Variants in ZFPM2 observed in about 807,000 individuals in gnomAD.
ZFPM2 encodes the protein zinc finger protein, FOG family member 2.
In ZFPM2, 20 loss-of-function variants were observed where a neutral mutation model predicts 98.6. The ratio of observed to expected loss-of-function variants is 0.20; its 90% CI spans 0.14 to 0.29. ZFPM2 has a LOEUF of 0.29. ZFPM2 is among the 10% of genes least tolerant of loss of function. The pLI, the probability that ZFPM2 is intolerant of heterozygous loss-of-function variation, is 1.00. For missense variants in ZFPM2, 1,310 were observed against 1,388.6 expected (o/e 0.94, Z 0.90); for synonymous variants, 518 against 502.7 (o/e 1.03, Z -0.41).
chr8:105,539,077 G>T (rs946922204), intron 3 of ZFPM2, among the ~76,000 whole-genome samples: 2 of 151,984 alleles, frequency 1.3e-5, no homozygotes, highest in Admixed American at 6.6e-5. Flanking sequence ...CAATGAGATG[G>T]TTCATATTTT....
At chr8:105,678,568 A>T (rs1431986945) in intron 5 of ZFPM2, 4 of 152,200 alleles carry the variant, frequency 2.6e-5, no homozygotes, top group African/African-American at 9.7e-5. Context: ...CTCTAGGTTG[A>T]ATCATGCCCA....
chr8:105,484,540 A>C (rs1295557630), intron 3 of ZFPM2, among the ~76,000 whole-genome samples: 2 of 152,178 alleles, frequency 1.3e-5, no homozygotes, highest in Admixed American at 6.5e-5. Context: ...AATTTTAATC[A>C]GTTTCCTCAA....
intron 5 of ZFPM2, among the ~76,000 whole-genome samples, chr8:105,739,616 T>A (rs1357997909): frequency 6.6e-6 from 1 of 151,988 alleles, no homozygotes; most frequent in East Asian, 1.9e-4. Flanking sequence ...TTGCTTTTTT[T>A]TTTTATTTTG....
rs962852256 is a variant in ZFPM2 at position 105,318,968 on chromosome 8, C to G, written c.27C>G (p.Pro9=). The change falls in exon 1 of 8, where the codon CCC becomes CCG. Residue 9 remains proline, a synonymous_variant. Coordinates refer to ENST00000407775, the MANE Select transcript of ZFPM2 (RefSeq NM_012082.4). MSRRKQSK[P]RQIKRPLEDA... is the part of the protein sequence containing the mutation. Reference sequence around the variant, plus strand: ...TGTCCCGGCGAAAGCAAAGCAAACCCCGGCAGATCAAACGTAAGTTTGCGC... The same window carrying G: ...TGTCCCGGCGAAAGCAAAGCAAACCGCGGCAGATCAAACGTAAGTTTGCGC... 37 of 1,485,864 alleles carry G rather than the reference C, an allele frequency of 2.5e-5. No individual in the cohort carries two copies. Among genetic ancestry groups the G allele is most frequent in the Non-Finnish European group, 3.2e-5 (36 of 1,110,078 alleles). 92.0% of individuals were successfully genotyped at this position (1,485,864 alleles called of 1,614,324 possible). A position where few individuals can be genotyped will look rare whatever the true frequency, so the allele number is the denominator to read the frequency against.
chr8:105,649,990 G>A (rs1751710237), intron 5 of ZFPM2, among the ~76,000 whole-genome samples: 1 of 152,132 alleles, frequency 6.6e-6, no homozygotes, highest in Admixed American at 6.5e-5. Context: ...GGTAGAATTT[G>A]GCTGTGAATC....
intron 5 of ZFPM2, among the ~76,000 whole-genome samples, chr8:105,651,271 ACT>A (rs1255081377): frequency 2.6e-5 from 4 of 151,950 alleles, no homozygotes; most frequent in African/African-American, 9.7e-5. Flanking sequence ...TTCCCCAGAA[ACT>A]CTATGTTTCA....
intron 1 of ZFPM2, among the ~76,000 whole-genome samples, chr8:105,336,296 G>A (rs926526707): frequency 5.9e-5 from 9 of 151,774 alleles, no homozygotes; most frequent in African/African-American, 1.7e-4. Context: ...GATTCAACGA[G>A]TTTACACATG....
At chr8:105,589,628 C>T (rs1440799221) in intron 4 of ZFPM2, among the ~76,000 whole-genome samples, 1 of 152,128 alleles carries the variant, frequency 6.6e-6, no homozygotes, top group African/African-American at 2.4e-5. Flanking sequence ...TGAGGTTTCC[C>T]CCACAAAACA....
intron 3 of ZFPM2, among the ~76,000 whole-genome samples, chr8:105,472,435 G>A (rs934922023): frequency 2.0e-5 from 3 of 152,158 alleles, no homozygotes; most frequent in Admixed American, 6.5e-5. Flanking sequence ...CTCTACAACT[G>A]GAGAACAATT....
intron 4 of ZFPM2, among the ~76,000 whole-genome samples, chr8:105,590,028 T>C (rs1304870232): frequency 6.6e-6 from 1 of 152,152 alleles, no homozygotes; most frequent in African/African-American, 2.4e-5. Flanking sequence ...CTTCTTTAAT[T>C]CATTTTCTGA....
intron 5 of ZFPM2, among the ~76,000 whole-genome samples, chr8:105,680,918 A>G (rs1255472591): frequency 5.3e-5 from 8 of 152,196 alleles, no homozygotes; most frequent in African/African-American, 1.9e-4. Context: ...AATATCAAGG[A>G]GCAGACAACA....
At chr8:105,777,093 G>A (rs748316043) in intron 5 of ZFPM2, among the ~76,000 whole-genome samples, 3 of 152,090 alleles carry the variant, frequency 2.0e-5, no homozygotes, top group Admixed American at 6.6e-5. Flanking sequence ...TTAAAGTTGG[G>A]TTGACATAAG....
intron 5 of ZFPM2, among the ~76,000 whole-genome samples, chr8:105,692,895 TAGAA>T (rs1237648726): frequency 2.6e-5 from 4 of 152,232 alleles, no homozygotes; most frequent in African/African-American, 9.6e-5. Context: ...GAGTAGACCA[TAGAA>T]AGCTAGAAAT....
chr8:105,527,826 A>C (rs1255352210), intron 3 of ZFPM2, among the ~76,000 whole-genome samples: 1 of 152,178 alleles, frequency 6.6e-6, no homozygotes, highest in Non-Finnish European at 1.5e-5. Flanking sequence ...ATCATGAAGA[A>C]AGTGTGGCAT....
At chr8:105,732,903 G>C (rs1200277685) in intron 5 of ZFPM2, among the ~76,000 whole-genome samples, 2 of 151,668 alleles carry the variant, frequency 1.3e-5, no homozygotes, top group African/African-American at 2.4e-5. Context: ...GCAGCTTCTT[G>C]TTGTTAAAGT....
At chr8:105,557,489 T>C (rs1318845475) in intron 3 of ZFPM2, among the ~76,000 whole-genome samples, 2 of 152,202 alleles carry the variant, frequency 1.3e-5, no homozygotes, top group Admixed American at 6.5e-5. Context: ...GGCCATTGGC[T>C]CATGTGCCTA....
intron 1 of ZFPM2, among the ~76,000 whole-genome samples, chr8:105,353,337 C>T (rs1265008111): frequency 1.3e-5 from 2 of 152,068 alleles, no homozygotes; most frequent in East Asian, 1.9e-4. Flanking sequence ...ACCCCATATA[C>T]GATAGTGCCT....
chr8:105,413,856 C>G (rs1811628235), intron 1 of ZFPM2, among the ~76,000 whole-genome samples: 1 of 151,634 alleles, frequency 6.6e-6, no homozygotes, highest in Non-Finnish European at 1.5e-5. Context: ...TAAAATGATC[C>G]AAAATGGGAT....
intron 1 of ZFPM2, among the ~76,000 whole-genome samples, chr8:105,371,904 T>C (rs1408478288): frequency 6.6e-6 from 1 of 152,008 alleles, no homozygotes; most frequent in Non-Finnish European, 1.5e-5. Flanking sequence ...TAATAGAATG[T>C]CGTTTTTCTC....
Sources: allele counts gnomAD v4.1 joint callset (sites outside exome capture counted in the v4.1 genomes callset), GRCh38; gene constraint gnomAD v4.1.1; transcripts MANE v1.5; gene names NCBI Gene and HGNC (gene_info 2026-07-23, HGNC 2026-07-21).